Variants in KDM4A observed in about 807,000 individuals in gnomAD.
The protein encoded by KDM4A is lysine demethylase 4A, also known as lysine-specific demethylase 4A.
KDM4A carries 23 observed loss-of-function variants against 127.1 expected under a neutral mutation model. The ratio of observed to expected loss-of-function variants is 0.18; its 90% CI spans 0.13 to 0.26. The LOEUF is 0.26. Among genes scored for constraint, KDM4A ranks in the 10% least tolerant of loss-of-function variants. The pLI, the probability that KDM4A is intolerant of heterozygous loss-of-function variation, is 1.00. For missense variants in KDM4A, 890 were observed against 1,329.1 expected, an observed-to-expected ratio of 0.67 and a Z score of 5.14; for synonymous variants, 443 against 466.5, an observed-to-expected ratio of 0.95 and a Z score of 0.65.
chr1:43,661,528 C>T (rs1316465222), intron 4 of KDM4A, among the ~76,000 whole-genome samples: 1 of 147,126 alleles, frequency 6.8e-6, no homozygotes, highest in East Asian at 2.0e-4. Context: ...ATGGTGTGAA[C>T]CCGGCGGGAG....
intron 10 of KDM4A, among the ~76,000 whole-genome samples, chr1:43,671,146 T>C (rs1393458466): frequency 6.6e-6 from 1 of 152,254 alleles, no homozygotes; most frequent in Non-Finnish European, 1.5e-5. Flanking sequence ...TTAGATTTTC[T>C]AGCATGGGCT....
intron 11 of KDM4A, among the ~76,000 whole-genome samples, chr1:43,682,604 G>A (rs556197338): frequency 6.6e-6 from 1 of 152,306 alleles, no homozygotes; most frequent in Admixed American, 6.5e-5. Flanking sequence ...CACAGTAGGT[G>A]CCCAGTGAAT....
intron 1 of KDM4A, among the ~76,000 whole-genome samples, chr1:43,652,685 T>TTC (rs1660143150): frequency 6.8e-6 from 1 of 147,388 alleles, no homozygotes; most frequent in African/African-American, 2.5e-5. Flanking sequence ...CTTTCTTTTT[T>TTC]TTTTTTTTTT....
chr1:43,668,361 G>A (rs1205175925), intron 9 of KDM4A, among the ~76,000 whole-genome samples: 1 of 152,124 alleles, frequency 6.6e-6, no homozygotes, highest in Admixed American at 6.5e-5. Context: ...TCCTGACCTC[G>A]TGATCCGCCC....
At chr1:43,675,238 C>T (rs544058217) in intron 11 of KDM4A, among the ~76,000 whole-genome samples, 1 of 152,352 alleles carries the variant, frequency 6.6e-6, no homozygotes, top group Admixed American at 6.5e-5. Context: ...CTTGGCTGCC[C>T]TGCCACTTCC....
Position 43,671,486 on chromosome 1 carries a change from A to T in KDM4A, c.1364-19A>T, listed in dbSNP as rs772479887. 48 of 1,528,796 alleles carry T rather than the reference A, an allele frequency of 3.1e-5. No individual in the cohort carries two copies. The highest frequency in any genetic ancestry group is 4.0e-5 in the Non-Finnish European group (45 of 1,138,906). 94.7% of individuals were successfully genotyped at this position (1,528,796 alleles called of 1,614,324 possible). A position where few individuals can be genotyped will look rare whatever the true frequency, so the allele number is the denominator to read the frequency against. On this transcript the variant is annotated intron_variant, in intron 10 of 21. Coordinates refer to ENST00000372396, the MANE Select transcript of KDM4A (RefSeq NM_014663.3). Reference sequence around the variant, plus strand: ...TGCAGGAGGAACTTGGCTCTGTCTAATGTGTATGTGTGTTTCAGATTATTC... The same window carrying T: ...TGCAGGAGGAACTTGGCTCTGTCTATTGTGTATGTGTGTTTCAGATTATTC...
At chr1:43,678,182 G>T (rs560385632) in intron 11 of KDM4A, among the ~76,000 whole-genome samples, 16 of 152,294 alleles carry the variant, frequency 1.1e-4, no homozygotes, top group African/African-American at 3.8e-4. Context: ...GGTACGTCTA[G>T]AGGGGGACTT....
At chr1:43,692,053 T>C (rs1403185232) in intron 15 of KDM4A, among the ~76,000 whole-genome samples, 1 of 152,232 alleles carries the variant, frequency 6.6e-6, no homozygotes, top group Non-Finnish European at 1.5e-5. Flanking sequence ...TGAAGTCACG[T>C]GACTACTTGG....
Position 43,671,824 on chromosome 1 carries a change from G to A in KDM4A, c.1683G>A (p.Thr561=), listed in dbSNP as rs899558059. The stretch of plus-strand genomic sequence containing the variant: ...GGGTCACTGTGGGAGAGCCATGCAC[G>A]AGGAAGAAAGGAAGCGCCGCTAGAA... ...DGRVTVGEPC[T]RKKGSAARSF... is the part of the protein sequence containing the mutation. Residue 561 remains threonine (T), a synonymous_variant, in exon 11 of 22, where the codon ACG becomes ACA. Transcript: ENST00000372396. 1.6e-5 allele frequency: 25 copies of A among 1,592,290 alleles called. No individual in the cohort carries two copies. The highest frequency in any genetic ancestry group is 1.7e-4 in the Middle Eastern group (1 of 5,950).
chr1:43,703,661 G>C lies in KDM4A; in HGVS notation c.2886G>C (p.Val962=). ...LQFGPPAEGE[V]VQVRWTDGQV... ...TTGGTCCTCCTGCTGAAGGGGAAGT[G>C]GTCCAAGTGAGATGGACAGACGGCC... The change falls in exon 20 of 22, where the codon GTG becomes GTC. Residue 962 remains valine, a synonymous_variant. Coordinates refer to ENST00000372396, the MANE Select transcript of KDM4A (RefSeq NM_014663.3). 1.2e-6 allele frequency: 2 copies of C among 1,614,080 alleles called. No homozygotes were observed. The highest frequency in any genetic ancestry group is 2.7e-5 in the African/African-American group (2 of 75,008).
Position 43,688,174 on chromosome 1 carries a change from T to C in KDM4A, c.1856-740T>C, listed in dbSNP as rs1053658239. Reference sequence around the variant, plus strand: ...GGTGAGCTATGATCGCACATGTAAATAGCCACTGTACTCCAGCCTGGGCAA... The same window carrying C: ...GGTGAGCTATGATCGCACATGTAAACAGCCACTGTACTCCAGCCTGGGCAA... On this transcript the variant is annotated intron_variant, in intron 12 of 21. Coordinates refer to ENST00000372396, the MANE Select transcript of KDM4A (RefSeq NM_014663.3). The surrounding 1 kb of genome is among the most constrained non-coding windows in gnomAD (Gnocchi z 4.4). Among the ~76,000 whole-genome samples the C allele has an allele frequency of 6.6e-6, 1 of 152,096 alleles. No individual in the cohort carries two copies. The highest frequency in any genetic ancestry group is 2.4e-5 in the African/African-American group (1 of 41,426).
At chr1:43,677,708 G>A (rs1236007181) in intron 11 of KDM4A, among the ~76,000 whole-genome samples, 1 of 152,198 alleles carries the variant, frequency 6.6e-6, no homozygotes, top group Non-Finnish European at 1.5e-5. Flanking sequence ...AAGATTTTGA[G>A]GGGGAGGAAG....
At chr1:43,689,766 G>A (rs1333277965) in intron 13 of KDM4A, among the ~76,000 whole-genome samples, 1 of 152,206 alleles carries the variant, frequency 6.6e-6, no homozygotes, top group East Asian at 1.9e-4. Context: ...TAGGTAAGTG[G>A]TCCTTACCTG....
At chr1:43,662,359 C>T (rs1381534614) in intron 4 of KDM4A, among the ~76,000 whole-genome samples, 1 of 151,962 alleles carries the variant, frequency 6.6e-6, no homozygotes, top group Non-Finnish European at 1.5e-5. Context: ...CCTGTAATCC[C>T]AGCACTTTGG....
At chr1:43,684,500 C>T (rs188186642) in intron 12 of KDM4A, among the ~76,000 whole-genome samples, 76 of 151,796 alleles carry the variant, frequency 5.0e-4, no homozygotes, top group African/African-American at 1.8e-3. Flanking sequence ...GAGATGCCAT[C>T]TCAAAAAAAA....
intron 3 of KDM4A, among the ~76,000 whole-genome samples, chr1:43,659,113 A>G (rs1418104843): frequency 6.6e-6 from 1 of 152,070 alleles, no homozygotes; most frequent in Non-Finnish European, 1.5e-5. Context: ...CCTGGGCAAC[A>G]TTGCAGGACT....
chr1:43,665,059 T>C (rs1367577824), intron 5 of KDM4A, among the ~76,000 whole-genome samples: 1 of 152,248 alleles, frequency 6.6e-6, no homozygotes, highest in Non-Finnish European at 1.5e-5. Context: ...TTTAACAATT[T>C]TGCAAAAGTT....
At chr1:43,697,136 AGT>A (rs1438770936) in intron 18 of KDM4A, among the ~76,000 whole-genome samples, 1 of 152,208 alleles carries the variant, frequency 6.6e-6, no homozygotes, top group African/African-American at 2.4e-5. Context: ...AAGAACCAGC[AGT>A]GTCGAAGCCC....
At chr1:43,695,037 T>G in intron 18 of KDM4A, 143 bp downstream of exon 18, 1 of 821,760 alleles carries the variant, frequency 1.2e-6, no homozygotes, top group Non-Finnish European at 1.8e-6. Context: ...GATTGAGAGG[T>G]GGCCCCTGTC....
Sources: allele counts gnomAD v4.1 joint callset (sites outside exome capture counted in the v4.1 genomes callset), GRCh38; gene constraint gnomAD v4.1.1; non-coding constraint Gnocchi (gnomAD v3.1); transcripts MANE v1.5; gene names NCBI Gene and HGNC (gene_info 2026-07-23, HGNC 2026-07-21).